Variants in PIEZO1 observed in about 807,000 individuals in gnomAD.
PIEZO1 encodes the protein piezo type mechanosensitive ion channel component 1 (Er blood group).
Under a neutral mutation model 297.2 loss-of-function variants are expected in PIEZO1, and 296 were observed. That is an observed-to-expected ratio of 1.00 (90% CI 0.91 to 1.10). PIEZO1 has a LOEUF of 1.10. Among genes scored for constraint, PIEZO1 ranks in the 50% least tolerant of loss-of-function variants. The pLI is 0.00. For missense variants in PIEZO1, 5,018 were observed against 3,455.5 expected, an observed-to-expected ratio of 1.45 and a Z score of -11.34; for synonymous variants, 2,427 against 1,507.5, an observed-to-expected ratio of 1.61 and a Z score of -14.13.
chr16:88,723,988 CTG>C lies in PIEZO1; in HGVS notation c.4235-19_4235-18del. 1.4e-6 allele frequency: 2 copies of C among 1,455,266 alleles called. No individual in the cohort carries two copies. Among genetic ancestry groups the C allele is most frequent in the Non-Finnish European group, 1.9e-6 (2 of 1,060,464 alleles). 90.1% of individuals were successfully genotyped at this position (1,455,266 alleles called of 1,614,324 possible). ...AGTGGATGACTGTGGGCAGGCAGCA[CTG>C]AGAGCCAGCCTTCCATGCAGGGAGA... On this transcript the variant is annotated intron_variant, in intron 30 of 50. Coordinates refer to ENST00000301015, the MANE Select transcript of PIEZO1 (RefSeq NM_001142864.4).
chr16:88,750,065 T>G (rs181414553), intron 1 of PIEZO1, among the ~76,000 whole-genome samples: 1 of 151,064 alleles, frequency 6.6e-6, no homozygotes, highest in Non-Finnish European at 1.5e-5. Flanking sequence ...CTGGGTGTGG[T>G]GGCTCACGCC....
chr16:88,755,110 C>T (rs1327914323), intron 1 of PIEZO1, among the ~76,000 whole-genome samples: 1 of 152,208 alleles, frequency 6.6e-6, no homozygotes, highest in Non-Finnish European at 1.5e-5. Context: ...GGTGATCTGT[C>T]CCGTACAGTC....
chr16:88,748,477 G>C (rs1056071218), intron 2 of PIEZO1, among the ~76,000 whole-genome samples: 28 of 115,006 alleles, frequency 2.4e-4, no homozygotes, highest in African/African-American at 9.2e-4. Flanking sequence ...GTTCCCAAGG[G>C]GGGTCTCAGC....
rs1459164070 is a variant in PIEZO1, at chr16:88,715,918, C to T, written c.7316+15G>A. 4.5e-6 allele frequency: 7 copies of T among 1,542,180 alleles called. No individual in the cohort carries two copies. The highest frequency in any genetic ancestry group is 2.4e-5 in the East Asian group (1 of 40,834). On this transcript the variant is annotated intron_variant, in intron 50 of 50. Coordinates refer to ENST00000301015, the MANE Select transcript of PIEZO1 (RefSeq NM_001142864.4). ...CCCCCCGAGCTGCGGGGTGCCCCCC[C>T]AGCCACTCACTCACCCGTAGCCAGC...
chr16:88,729,908 C>T (rs1184677298), intron 22 of PIEZO1, among the ~76,000 whole-genome samples: 4 of 152,030 alleles, frequency 2.6e-5, no homozygotes, highest in African/African-American at 7.2e-5. Flanking sequence ...GGGAACCTCA[C>T]GATACAAAAA....
rs1035068901 is a variant in PIEZO1 at position 88,722,654 on chromosome 16, C to G, written c.4704G>C (p.Leu1568=). 6.5e-7 allele frequency: 1 copy of G among 1,538,318 alleles called. No individual in the cohort carries two copies. Among genetic ancestry groups the G allele is most frequent in the Non-Finnish European group, 8.7e-7 (1 of 1,146,468 alleles). The stretch of plus-strand genomic sequence containing the variant: ...GCGTGGCCTCGGCCTGGCTTGTGTA[C>G]AGCTGATCCAGCACGCCCCTGTGCA... ...GEVHRGVLDQ[L]YTSQAEATLP... Residue 1568 remains leucine, a synonymous_variant, in exon 35 of 51, where the codon CTG becomes CTC. Transcript: ENST00000301015.
At chr16:88,722,117 G>C (rs1300061018) in intron 36 of PIEZO1, 51 bp from the exon 37 acceptor site, 1 of 1,526,950 alleles carries the variant, frequency 6.5e-7, no homozygotes, top group Non-Finnish European at 8.8e-7. Flanking sequence ...CCGAAGGCAT[G>C]ACGGCCCGAT....
chr16:88,727,722 TCCCCA>T, intron 22 of PIEZO1, 61 bp from the exon 23 acceptor site: 1 of 781,798 alleles, frequency 1.3e-6, no homozygotes, highest in South Asian at 2.4e-5. Flanking sequence ...AGACACCCGG[TCCCCA>T]CCCGTTGACC....
chr16:88,728,182 T>C (rs1042791899), intron 22 of PIEZO1, among the ~76,000 whole-genome samples: 2 of 152,182 alleles, frequency 1.3e-5, no homozygotes, highest in African/African-American at 4.8e-5. Flanking sequence ...GACGTGGCGT[T>C]CTGATAGGAC....
intron 1 of PIEZO1, among the ~76,000 whole-genome samples, chr16:88,757,217 C>T (rs1906706349): frequency 6.7e-6 from 1 of 149,746 alleles, no homozygotes; most frequent in South Asian, 2.1e-4. Flanking sequence ...GAGCCGGGGG[C>T]TGGAAGACGC....
intron 1 of PIEZO1, among the ~76,000 whole-genome samples, chr16:88,770,620 T>C (rs1047001849): frequency 6.6e-6 from 1 of 152,134 alleles, no homozygotes; most frequent in Non-Finnish European, 1.5e-5. Context: ...CTGAACACGG[T>C]CCTGGGTGGG....
chr16:88,750,603 C>G (rs1906339899), intron 1 of PIEZO1, among the ~76,000 whole-genome samples: 1 of 152,232 alleles, frequency 6.6e-6, no homozygotes, highest in African/African-American at 2.4e-5. Flanking sequence ...CGGGGTCTCC[C>G]TGGCACTTGC....
rs182775842 is a variant in PIEZO1 at position 88,756,164 on chromosome 16, G to A, written c.65-6685C>T. ...AGCCTCGAGGGTGGTCTATGCTCTC[G>A]GGGTGACTGTCCACTCCTCACGGGC... On this transcript the variant is annotated intron_variant, in intron 1 of 50. Transcript: ENST00000301015. 1.8e-3 allele frequency among the ~76,000 whole-genome samples: 267 copies of A among 152,296 alleles called. 1 individual carries two copies. Among genetic ancestry groups the A allele is most frequent in the Middle Eastern group, 3.4e-3 (1 of 294 alleles).
rs1182432843 is a variant in PIEZO1 at position 88,721,444 on chromosome 16, G to C, written c.5404-14C>G. The C allele has an allele frequency of 4.5e-6, 7 of 1,543,016 alleles. No homozygotes were observed. Among genetic ancestry groups the C allele is most frequent in the South Asian group, 1.2e-5 (1 of 83,800 alleles). The stretch of plus-strand genomic sequence containing the variant: ...GAGGCCATAGCACTGAGGGGCGGGA[G>C]GGTGTGGTGAGGGGGCCTTGCCTCC... On this transcript the variant is annotated splice_polypyrimidine_tract_variant and intron_variant, in intron 38 of 50. Coordinates refer to ENST00000301015, the MANE Select transcript of PIEZO1 (RefSeq NM_001142864.4).
At position 88,720,756 on chromosome 16, in the gene PIEZO1, G is replaced by A. The variant is rs1912381932; in HGVS notation, c.5669-8C>T. On this transcript the variant is annotated splice_region_variant and splice_polypyrimidine_tract_variant and intron_variant, in intron 39 of 50. Transcript: ENST00000301015. ...CCTCCCTGTCCTCAGCTTCTGTAGGGAAAAGCTGACTTCTGCCTGGGCCCC... is the reference window on the plus strand; with the variant it reads ...CCTCCCTGTCCTCAGCTTCTGTAGGAAAAAGCTGACTTCTGCCTGGGCCCC... 7 of 1,478,762 alleles carry A rather than the reference G, an allele frequency of 4.7e-6. No homozygotes were observed. The highest frequency in any genetic ancestry group is 6.3e-6 in the Non-Finnish European group (7 of 1,115,556). 91.6% of individuals were successfully genotyped at this position (1,478,762 alleles called of 1,614,324 possible).
At position 88,727,161 on chromosome 16, in the gene PIEZO1, C is replaced by T. The variant is rs977177792; in HGVS notation, c.3333G>A (p.Gln1111=). 21 of 1,547,360 alleles carry T rather than the reference C, an allele frequency of 1.4e-5. No homozygotes were observed. The African/African-American group carries it at 2.7e-4, about 20-fold the overall frequency. The stretch of plus-strand genomic sequence containing the variant: ...GCTCAGCTGAGAACACCTGCCACTG[C>T]TGGGAGGCGCACAGCAGCAGGAGAA... ...SDFLLLLCAS[Q]QWQVFSAERT... Residue 1111 remains glutamine (Q), a synonymous_variant, in exon 24 of 51, where the codon CAG becomes CAA. Coordinates refer to ENST00000301015, the MANE Select transcript of PIEZO1 (RefSeq NM_001142864.4).
intron 2 of PIEZO1, chr16:88,744,233 C>T (rs1157722585): frequency 6.5e-6 from 1 of 154,768 alleles, no homozygotes; most frequent in African/African-American, 2.4e-5. Context: ...GCCTGGGAAC[C>T]TGGGCTGTGA....
rs954500832 is a variant in PIEZO1, at chr16:88,734,817, G to T, written c.1849-19C>A. The T allele has an allele frequency of 2.8e-5, 43 of 1,550,156 alleles. No homozygotes were observed. Among genetic ancestry groups the T allele is most frequent in the Non-Finnish European group, 3.2e-5 (37 of 1,146,912 alleles). ...AGTAGACCTGCCGGGTGAGGTGGGG[G>T]TGGTGAGGACCGCGGGGAGGGTCCG... On this transcript the variant is annotated intron_variant, in intron 14 of 50. Transcript: ENST00000301015.
Position 88,736,423 on chromosome 16 carries a change from G to C in PIEZO1, c.1297-15C>G. On this transcript the variant is annotated splice_polypyrimidine_tract_variant and intron_variant, in intron 11 of 50. Transcript: ENST00000301015. ...ATGCTCCATACCTGCGCGGCAGAGAGGGCTGCACAGCTGCCCAGCGCACCC... is the reference window on the plus strand; with the variant it reads ...ATGCTCCATACCTGCGCGGCAGAGACGGCTGCACAGCTGCCCAGCGCACCC... 4 of 1,532,568 alleles carry C rather than the reference G, an allele frequency of 2.6e-6. No homozygotes were observed. Among genetic ancestry groups the C allele is most frequent in the South Asian group, 2.4e-5 (2 of 83,560 alleles). 94.9% of individuals were successfully genotyped at this position (1,532,568 alleles called of 1,614,324 possible). A position where few individuals can be genotyped will look rare whatever the true frequency, so the allele number is the denominator to read the frequency against.
Sources: gnomAD v4.1 joint callset for allele counts (sites outside exome capture counted in the v4.1 genomes callset) on GRCh38, gnomAD v4.1.1 for gene constraint, MANE v1.5 for transcripts, NCBI Gene and HGNC (gene_info 2026-07-23, HGNC 2026-07-21) for gene names.